LHFPL3: variants seen among roughly 807,000 people sequenced by gnomAD.
LHFPL3 encodes the protein LHFPL tetraspan subfamily member 3, also known as LHFPL tetraspan subfamily member 3 protein.
In LHFPL3, 5 loss-of-function variants were observed where a neutral mutation model predicts 19.3. The ratio of observed to expected loss-of-function variants is 0.26; its 90% CI spans 0.14 to 0.54. The LOEUF (loss-of-function observed/expected upper bound fraction) is 0.54, where lower values mean the gene tolerates loss of function less well. Among genes scored for constraint, LHFPL3 ranks in the 20% least tolerant of loss-of-function variants. LHFPL3 has a pLI of 0.94. For missense variants in LHFPL3, 249 were observed against 307.4 expected (o/e 0.81, Z 1.42); for synonymous variants, 133 against 126.2 (o/e 1.05, Z -0.36).
At chr7:104,606,533 T>A (rs1791106192) in intron 1 of LHFPL3, among the ~76,000 whole-genome samples, 1 of 152,168 alleles carries the variant, frequency 6.6e-6, no homozygotes, top group African/African-American at 2.4e-5. Flanking sequence ...ATAATGATAA[T>A]ACCACTCCAG....
At chr7:104,526,298 A>C (rs1179029096) in intron 1 of LHFPL3, among the ~76,000 whole-genome samples, 2 of 152,186 alleles carry the variant, frequency 1.3e-5, no homozygotes, top group African/African-American at 4.8e-5. Flanking sequence ...AAACAAACAA[A>C]ATATAACCAC....
At chr7:104,699,760 GC>G (rs1793066578) in intron 1 of LHFPL3, among the ~76,000 whole-genome samples, 1 of 152,098 alleles carries the variant, frequency 6.6e-6, no homozygotes. Flanking sequence ...GCATCCCCTC[GC>G]AGGACAGAAT....
intron 2 of LHFPL3, among the ~76,000 whole-genome samples, chr7:104,767,277 C>T (rs780627811): frequency 6.6e-6 from 1 of 152,176 alleles, no homozygotes; most frequent in Non-Finnish European, 1.5e-5. Flanking sequence ...GGCCATTTGG[C>T]CCTGCAATCA....
chr7:104,662,609 T>C (rs1792246253), intron 1 of LHFPL3, among the ~76,000 whole-genome samples: 1 of 152,188 alleles, frequency 6.6e-6, no homozygotes, highest in South Asian at 2.1e-4. Context: ...AATAGAATGT[T>C]TATTGGATGA....
chr7:104,417,896 T>G (rs1791656484), intron 1 of LHFPL3, among the ~76,000 whole-genome samples: 1 of 150,352 alleles, frequency 6.7e-6, no homozygotes, highest in African/African-American at 2.5e-5. Context: ...TTTTTTTTTT[T>G]TTTTGAGATG....
intron 1 of LHFPL3, among the ~76,000 whole-genome samples, chr7:104,503,607 T>C (rs1280221919): frequency 6.6e-6 from 1 of 152,198 alleles, no homozygotes; most frequent in Admixed American, 6.5e-5. Context: ...TCTCACCCTA[T>C]CACCCAGGCT....
At chr7:104,650,869 C>T (rs1049375255) in intron 1 of LHFPL3, among the ~76,000 whole-genome samples, 2 of 152,100 alleles carry the variant, frequency 1.3e-5, no homozygotes, top group Non-Finnish European at 2.9e-5. Flanking sequence ...TGGGGCATCA[C>T]TAAGAAACTT....
intron 2 of LHFPL3, among the ~76,000 whole-genome samples, chr7:104,863,980 C>A (rs1047764640): frequency 6.6e-6 from 1 of 152,314 alleles, no homozygotes. Context: ...TTGATGTATA[C>A]GTCCATCAAA....
chr7:104,355,243 T>C (rs940494087), intron 1 of LHFPL3, among the ~76,000 whole-genome samples: 38 of 152,164 alleles, frequency 2.5e-4, no homozygotes, highest in Admixed American at 2.3e-3. Context: ...AACATCTCCT[T>C]TTCTCAGTTG....
chr7:104,777,543 T>C (rs1384226639), intron 2 of LHFPL3, among the ~76,000 whole-genome samples: 1 of 152,236 alleles, frequency 6.6e-6, no homozygotes, highest in East Asian at 1.9e-4. Context: ...TTGGTTGCTA[T>C]GTCTGCAGTT....
intron 2 of LHFPL3, among the ~76,000 whole-genome samples, chr7:104,778,664 T>G (rs1484296873): frequency 1.3e-5 from 2 of 152,212 alleles, no homozygotes; most frequent in African/African-American, 2.4e-5. Flanking sequence ...CCCCTCGCAC[T>G]ATCATCTACC....
chr7:104,519,001 A>G (rs536015580), intron 1 of LHFPL3, among the ~76,000 whole-genome samples: 9 of 152,130 alleles, frequency 5.9e-5, no homozygotes, highest in Non-Finnish European at 1.3e-4. Flanking sequence ...AGGAAAATAC[A>G]CACATTTTTG....
chr7:104,560,904 A>G (rs1789981467), intron 1 of LHFPL3, among the ~76,000 whole-genome samples: 1 of 150,156 alleles, frequency 6.7e-6, no homozygotes, highest in South Asian at 2.1e-4. Flanking sequence ...TTGGTTTCAA[A>G]GAACATCTTT....
At chr7:104,596,218 T>G (rs1377708111) in intron 1 of LHFPL3, among the ~76,000 whole-genome samples, 1 of 152,260 alleles carries the variant, frequency 6.6e-6, no homozygotes, top group Non-Finnish European at 1.5e-5. Context: ...TCACATGAGA[T>G]GCAGTGGCCC....
At chr7:104,408,571 G>A (rs2116507173) in intron 1 of LHFPL3, among the ~76,000 whole-genome samples, 1 of 151,962 alleles carries the variant, frequency 6.6e-6, no homozygotes, top group Non-Finnish European at 1.5e-5. Context: ...ATCTCTGTGG[G>A]GTAAAATCTT....
intron 1 of LHFPL3, among the ~76,000 whole-genome samples, chr7:104,476,202 C>T (rs1473448131): frequency 2.0e-5 from 3 of 152,142 alleles, no homozygotes; most frequent in Non-Finnish European, 2.9e-5. Context: ...AACACAAAAT[C>T]CCATCAAAGG....
chr7:104,881,466 G>T (rs1792055725), intron 2 of LHFPL3, among the ~76,000 whole-genome samples: 1 of 152,174 alleles, frequency 6.6e-6, no homozygotes, highest in Admixed American at 6.5e-5. Context: ...TGCAGATGTG[G>T]TGGAAATAGC....
chr7:104,689,850 G>A lies in LHFPL3; in HGVS notation c.446-46825G>A, dbSNP rs1018920809. ...CTTACAGTGGGTCCATTTGGTCCCC[G>A]GACTCATTCTGTGATGATTTCCCCA... On this transcript the variant is annotated intron_variant, in intron 1 of 2. Transcript: ENST00000424859. 9.2e-5 allele frequency among the ~76,000 whole-genome samples: 14 copies of A among 152,040 alleles called. No homozygotes were observed. The East Asian group carries it at 9.6e-4, about 10-fold the overall frequency.
intron 1 of LHFPL3, among the ~76,000 whole-genome samples, chr7:104,358,516 G>A (rs1228746945): frequency 1.3e-5 from 2 of 152,178 alleles, no homozygotes; most frequent in South Asian, 2.1e-4. Context: ...GAGTTGAGAT[G>A]TAAGTTGTTT....
Sources: allele counts gnomAD v4.1 joint callset (sites outside exome capture counted in the v4.1 genomes callset), GRCh38; gene constraint gnomAD v4.1.1; transcripts MANE v1.5; gene names NCBI Gene and HGNC (gene_info 2026-07-23, HGNC 2026-07-21).